PKIG: variants seen among roughly 807,000 people sequenced by gnomAD.
The protein encoded by PKIG is protein kinase (cAMP-dependent, catalytic) inhibitor gamma.
Under a neutral mutation model 6.8 loss-of-function variants are expected in PKIG, and 1 was observed. The observed-to-expected ratio is 0.15, with a 90% CI of 0.05 to 0.69. The LOEUF (loss-of-function observed/expected upper bound fraction) is 0.69. PKIG is among the 30% of genes least tolerant of loss of function. PKIG has a pLI of 0.82. For missense variants in PKIG, 77 were observed against 104.0 expected (o/e 0.74, Z 1.13); for synonymous variants, 39 against 43.0 (o/e 0.91, Z 0.36).
intron 1 of PKIG, among the ~76,000 whole-genome samples, chr20:44,577,440 A>G (rs2064908772): frequency 6.6e-6 from 1 of 152,110 alleles, no homozygotes. Context: ...GACCAAGAAC[A>G]TTGTTTTAAG....
intron 2 of PKIG, among the ~76,000 whole-genome samples, chr20:44,604,816 C>T (rs2123441638): frequency 6.6e-6 from 1 of 152,208 alleles, no homozygotes; most frequent in Admixed American, 6.5e-5. Flanking sequence ...AGTCTGAGTG[C>T]CTGACCTTGT....
chr20:44,610,500 T>TCA (rs559846553), intron 2 of PKIG, among the ~76,000 whole-genome samples: 8,457 of 135,328 alleles, frequency 0.062, 257 homozygotes, highest in Non-Finnish European at 0.065. Context: ...TCTCTCTCTC[T>TCA]CACACACACA....
chr20:44,605,071 T>C (rs2065152204), intron 2 of PKIG, among the ~76,000 whole-genome samples: 1 of 152,020 alleles, frequency 6.6e-6, no homozygotes, highest in South Asian at 2.1e-4. Context: ...TACAACATGA[T>C]ACTAGTATAT....
At chr20:44,617,442 T>A (rs879372307) in intron 3 of PKIG, among the ~76,000 whole-genome samples, 2 of 152,068 alleles carry the variant, frequency 1.3e-5, no homozygotes, top group African/African-American at 2.4e-5. Flanking sequence ...GGGTGTGAGT[T>A]TGGCACTCCC....
intron 1 of PKIG, among the ~76,000 whole-genome samples, chr20:44,584,698 G>T (rs113497628): frequency 2.4e-4 from 36 of 151,404 alleles, no homozygotes; most frequent in African/African-American, 7.7e-4. Flanking sequence ...TTAATAAGAG[G>T]GTTCTCAAAG....
chr20:44,545,417 A>G (rs1464187683), intron 1 of PKIG, among the ~76,000 whole-genome samples: 1 of 152,238 alleles, frequency 6.6e-6, no homozygotes, highest in Admixed American at 6.5e-5. Context: ...GCTTTTATGA[A>G]AAATAAGTTG....
At chr20:44,543,998 A>T (rs1428775365) in intron 1 of PKIG, among the ~76,000 whole-genome samples, 2 of 149,466 alleles carry the variant, frequency 1.3e-5, no homozygotes, top group Non-Finnish European at 3.0e-5. Flanking sequence ...TGGGAGGTGG[A>T]GGTTGCAGTG....
intron 2 of PKIG, among the ~76,000 whole-genome samples, chr20:44,593,943 G>A (rs1337879374): frequency 6.6e-6 from 1 of 152,206 alleles, no homozygotes; most frequent in Non-Finnish European, 1.5e-5. Context: ...TGTTGTGTAA[G>A]CTCAAAGAGT....
rs183808686 is a variant in PKIG, at chr20:44,540,449, A to T, written c.-241+8471A>T. 3.2e-3 allele frequency among the ~76,000 whole-genome samples: 494 copies of T among 152,336 alleles called. 1 individual carries two copies. Among genetic ancestry groups the T allele is most frequent in the African/African-American group, 0.012 (479 of 41,570 alleles). On this transcript the variant is annotated intron_variant, in intron 1 of 4. Transcript: ENST00000372887. ...TCTTGGGTGACTACCAATTAACCAA[A>T]ATTAATTACGTTATCCCAATGACCA...
intron 1 of PKIG, among the ~76,000 whole-genome samples, chr20:44,546,727 A>G (rs548748064): frequency 4.0e-5 from 6 of 151,766 alleles, no homozygotes; most frequent in East Asian, 3.9e-4. Context: ...TAATTTTTGT[A>G]TTTTTAGTAG....
intron 1 of PKIG, among the ~76,000 whole-genome samples, chr20:44,554,270 A>T (rs528682035): frequency 2.0e-5 from 3 of 151,846 alleles, no homozygotes; most frequent in Non-Finnish European, 4.4e-5. Flanking sequence ...TTTAGTAGAG[A>T]CAGGGTTTCA....
chr20:44,615,275 T>C (rs915392648), intron 3 of PKIG, among the ~76,000 whole-genome samples: 10 of 152,210 alleles, frequency 6.6e-5, no homozygotes, highest in African/African-American at 2.4e-4. Context: ...CAGCTACATC[T>C]ACCTTTGGTC....
chr20:44,548,324 GT>G (rs886364800), intron 1 of PKIG, among the ~76,000 whole-genome samples: 23 of 152,276 alleles, frequency 1.5e-4, no homozygotes, highest in African/African-American at 5.5e-4. Context: ...GTTTCTGGAG[GT>G]TTTTTCGGGA....
chr20:44,568,128 G>T (rs1477978301), intron 1 of PKIG, among the ~76,000 whole-genome samples: 4 of 152,158 alleles, frequency 2.6e-5, no homozygotes, highest in Non-Finnish European at 4.4e-5. Context: ...GTGACAGAAT[G>T]AGACCCTGTC....
chr20:44,576,489 A>G (rs138520513), intron 1 of PKIG, among the ~76,000 whole-genome samples: 6 of 152,298 alleles, frequency 3.9e-5, no homozygotes, highest in African/African-American at 1.4e-4. Flanking sequence ...GAGTTAACCA[A>G]AATAAGAGGG....
intron 2 of PKIG, among the ~76,000 whole-genome samples, chr20:44,610,528 A>ACACC (rs2065208714): frequency 6.7e-6 from 1 of 148,322 alleles, no homozygotes. Context: ...ACACACACAC[A>ACACC]CCTGCAGCAC....
rs117351942 is a variant in PKIG, at chr20:44,573,362, A to T, written c.-240-9223A>T. 8.5e-4 allele frequency among the ~76,000 whole-genome samples: 130 copies of T among 152,376 alleles called. 2 individuals are homozygous for T. The East Asian group carries it at 0.023, about 27-fold the overall frequency. ...TATGTCAAATGCCTATGAGGAGATT[A>T]TGACTAATTTAACATTTTGTTGTTG... On this transcript the variant is annotated intron_variant, in intron 1 of 4. Transcript: ENST00000372887.
chr20:44,583,667 C>T (rs1340711193), intron 1 of PKIG, among the ~76,000 whole-genome samples: 1 of 152,184 alleles, frequency 6.6e-6, no homozygotes. Context: ...GAAACTGTCA[C>T]CTTGGGCAAG....
At position 44,542,460 on chromosome 20, in the gene PKIG, G is replaced by A. The variant is rs188005083; in HGVS notation, c.-241+10482G>A. Among the ~76,000 whole-genome samples the A allele has an allele frequency of 2.6e-5, 4 of 152,020 alleles. No homozygotes were observed. In the East Asian group the frequency reaches 7.7e-4, roughly 29 times the overall value. On this transcript the variant is annotated intron_variant, in intron 1 of 4. Coordinates refer to the PKIG transcript ENST00000372887. ...GGTTTAATCTTGATTTTCAGTGTCAGTTAAGCATAAAATAATTCTATTGTT... is the reference window on the plus strand; with the variant it reads ...GGTTTAATCTTGATTTTCAGTGTCAATTAAGCATAAAATAATTCTATTGTT...
Sources: gnomAD v4.1 joint callset for allele counts (sites outside exome capture counted in the v4.1 genomes callset) on GRCh38, gnomAD v4.1.1 for gene constraint, MANE v1.5 for transcripts, NCBI Gene and HGNC (gene_info 2026-07-23, HGNC 2026-07-21) for gene names.